The following EDA variants were observed in gnomAD, a reference collection of about 807,000 sequenced individuals.
The protein encoded by EDA is ectodysplasin-A.
A neutral mutation model predicts 23.6 loss-of-function variants in EDA; 2 were observed. That is an observed-to-expected ratio of 0.08 (90% CI 0.03 to 0.27). The LOEUF (loss-of-function observed/expected upper bound fraction) is 0.27, where lower values mean the gene tolerates loss of function less well. EDA is among the 10% of genes least tolerant of loss of function. EDA has a pLI of 1.00. For missense variants in EDA, 229 were observed against 324.2 expected (o/e 0.71, Z 2.26); for synonymous variants, 131 against 132.0 (o/e 0.99, Z 0.05).
At chrX:69,970,246 G>A (rs373032145) in intron 2 of EDA, among the ~76,000 whole-genome samples, 1 of 112,756 alleles carries the variant, frequency 8.9e-6, no homozygotes, top group South Asian at 3.6e-4. Context: ...TTAGCTTTGT[G>A]GCCTTGGCCA....
At chrX:69,744,685 A>C (rs192687845) in intron 1 of EDA, among the ~76,000 whole-genome samples, 262 of 112,261 alleles carry the variant, frequency 2.3e-3, no homozygotes, top group Middle Eastern at 9.2e-3. Flanking sequence ...TCTTCAAGAA[A>C]GGAGGATGTT....
intron 1 of EDA, among the ~76,000 whole-genome samples, chrX:69,784,600 G>A (rs1299224250): frequency 2.0e-4 from 21 of 106,339 alleles, no homozygotes; most frequent in African/African-American, 7.2e-4. Flanking sequence ...TCAGATAGTT[G>A]TAGATATGTG....
chrX:69,785,919 G>A (rs1271012045), intron 1 of EDA, among the ~76,000 whole-genome samples: 1 of 110,228 alleles, frequency 9.1e-6, no homozygotes, highest in African/African-American at 3.3e-5. Context: ...AATCCATCTG[G>A]TCCTGGGCTC....
At chrX:69,731,097 T>C (rs978908564) in intron 1 of EDA, among the ~76,000 whole-genome samples, 1 of 112,459 alleles carries the variant, frequency 8.9e-6, no homozygotes, top group Non-Finnish European at 1.9e-5. Flanking sequence ...TTATTTTGTA[T>C]CTTTCAAAGA....
At chrX:69,844,347 C>T (rs2016962789) in intron 1 of EDA, among the ~76,000 whole-genome samples, 1 of 112,255 alleles carries the variant, frequency 8.9e-6, no homozygotes, top group African/African-American at 3.2e-5. Flanking sequence ...TTTAATTAGC[C>T]CATTTAGAAG....
At chrX:69,731,270 G>T (rs1023121657) in intron 1 of EDA, among the ~76,000 whole-genome samples, 1 of 110,802 alleles carries the variant, frequency 9.0e-6, no homozygotes, top group Non-Finnish European at 1.9e-5. Context: ...GTGGTTAAAG[G>T]CTTATCAATT....
At chrX:69,665,620 T>C (rs1050240449) in intron 1 of EDA, among the ~76,000 whole-genome samples, 2 of 111,439 alleles carry the variant, frequency 1.8e-5, no homozygotes, top group Non-Finnish European at 3.8e-5. Context: ...CTGTATATGT[T>C]TGGATTTTTT....
intron 1 of EDA, among the ~76,000 whole-genome samples, chrX:69,792,775 G>T (rs773190797): frequency 4.5e-5 from 5 of 111,863 alleles, no homozygotes; most frequent in Non-Finnish European, 9.4e-5. Flanking sequence ...ATCTTCTTTT[G>T]AGAATTGTCT....
chrX:69,616,180 G>A lies in EDA; in HGVS notation c.-129G>A. On this transcript the variant is annotated 5_prime_UTR_variant, in exon 1 of 8. Coordinates refer to ENST00000374552, the MANE Select transcript of EDA (RefSeq NM_001399.5). ...CCCTGCTCCGTCCCGCCCAGCCACT[G>A]TCGCGCAGGAACGGGTCCCTGCAGC... 1.2e-6 allele frequency: 1 copy of A among 802,582 alleles called. No homozygotes were observed. The highest frequency in any genetic ancestry group is 2.5e-5 in the South Asian group (1 of 39,288). 66.1% of individuals were successfully genotyped at this position (802,582 alleles called of 1,213,427 possible).
At chrX:69,682,580 T>C (rs768903079) in intron 1 of EDA, among the ~76,000 whole-genome samples, 1 of 111,889 alleles carries the variant, frequency 8.9e-6, no homozygotes, top group Admixed American at 9.4e-5. Flanking sequence ...AGTGACCCGA[T>C]TTTCCAGGTG....
chrX:70,012,661 C>A (rs917142437), intron 2 of EDA, among the ~76,000 whole-genome samples: 1 of 112,812 alleles, frequency 8.9e-6, no homozygotes, highest in Admixed American at 9.3e-5. Flanking sequence ...CAAATGTTCA[C>A]TAAGCAGGAG....
rs1488012013 is a variant in EDA, at chrX:70,027,860, A to G, written c.530A>G (p.Lys177Arg). 3 of 833,843 alleles carry G rather than the reference A, an allele frequency of 3.6e-6. No homozygotes were observed. The South Asian group carries it at 6.5e-5, about 18-fold the overall frequency. The allele number at this position is 833,843 out of a possible 1,213,427, so 68.7% of individuals were successfully genotyped here. A position where few individuals can be genotyped will look rare whatever the true frequency, so the allele number is the denominator to read the frequency against. ...AACACTGAATCCTATTTTTCAGGAA[A>G]GAAAGCAGGACCTCCTGGACCCAAT... Reference protein sequence around the residue: ...DGPVKNKKKGKKAGPPGPNGP... With the variant: ...DGPVKNKKKGRKAGPPGPNGP... The change falls in exon 4 of 8, where the codon AAG (lysine) becomes AGG (arginine). Residue 177 changes from lysine to arginine, a missense_variant. Physicochemically the swap from Lys to Arg is conservative, Grantham distance 26 (BLOSUM62 2). Around this residue, in one of 2 missense-constraint regions of EDA, gnomAD observed 175 missense variants for 281.8 expected, o/e 0.62. Transcript: ENST00000374552.
chrX:69,898,995 C>A (rs921505921), intron 1 of EDA, among the ~76,000 whole-genome samples: 1 of 111,946 alleles, frequency 8.9e-6, no homozygotes, highest in South Asian at 3.7e-4. Flanking sequence ...TTGGTGGGTG[C>A]TGCTTTTGCT....
In EDA at chrX:69,631,941, A is replaced by G. The variant is rs894637334; in HGVS notation, c.396+15237A>G. Among the ~76,000 whole-genome samples, 3 of 111,785 alleles carry G rather than the reference A, an allele frequency of 2.7e-5. No homozygotes were observed. The Admixed American group carries it at 2.8e-4, about 11-fold the overall frequency. On this transcript the variant is annotated intron_variant, in intron 1 of 7. Transcript: ENST00000374552. ...TAGAGTAGAGGGTGAGTTTGGATAA[A>G]GGCTTAGAGCCCATGGACCTTACTT...
intron 1 of EDA, among the ~76,000 whole-genome samples, chrX:69,740,215 A>G (rs1351480525): frequency 9.0e-6 from 1 of 111,435 alleles, no homozygotes; most frequent in African/African-American, 3.2e-5. Flanking sequence ...CTAAGTGTAT[A>G]ATTACCTTTA....
At chrX:69,783,841 G>C (rs2015045767) in intron 1 of EDA, among the ~76,000 whole-genome samples, 1 of 104,278 alleles carries the variant, frequency 9.6e-6, no homozygotes, top group South Asian at 4.4e-4. Context: ...GGTATTTCTA[G>C]TTCTAGATCC....
At chrX:69,900,436 AT>A (rs200698391) in intron 1 of EDA, among the ~76,000 whole-genome samples, 1,103 of 107,494 alleles carry the variant, frequency 0.01, 11 homozygotes, top group African/African-American at 0.035. Flanking sequence ...TGATATATAT[AT>A]TTTAATACAT....
At chrX:69,937,259 G>A in intron 1 of EDA, 5 of 755,205 alleles carry the variant, frequency 6.6e-6, no homozygotes, top group Non-Finnish European at 8.4e-6. Flanking sequence ...CACAATATTT[G>A]GCATCATCAG....
intron 1 of EDA, among the ~76,000 whole-genome samples, chrX:69,827,980 C>G (rs1392476115): frequency 1.8e-5 from 2 of 110,859 alleles, no homozygotes; most frequent in Non-Finnish European, 3.8e-5. Flanking sequence ...CAGTCTGCCC[C>G]TGCTGGGGGG....
Sources: allele counts gnomAD v4.1 joint callset (sites outside exome capture counted in the v4.1 genomes callset), GRCh38; gene constraint gnomAD v4.1.1; regional missense constraint gnomAD v4.1.1; transcripts MANE v1.5; gene names NCBI Gene and HGNC (gene_info 2026-07-23, HGNC 2026-07-21).